MSRB3: variants seen among roughly 807,000 people sequenced by gnomAD.
MSRB3 encodes the protein methionine-R-sulfoxide reductase B3.
In MSRB3, 13 loss-of-function variants were observed where a neutral mutation model predicts 21.0. That is an observed-to-expected ratio of 0.62 (90% CI 0.40 to 0.98). MSRB3 has a LOEUF of 0.98. MSRB3 is among the 50% of genes least tolerant of loss of function. The pLI, the probability that MSRB3 is intolerant of heterozygous loss-of-function variation, is 0.00. For synonymous variants in MSRB3, 87 were observed against 88.6 expected, an observed-to-expected ratio of 0.98 and a Z score of 0.10; for missense variants, 199 against 230.3, an observed-to-expected ratio of 0.86 and a Z score of 0.88.
rs1447385508 is a variant in MSRB3 at position 65,331,727 on chromosome 12, G to A, written c.263+3124G>A. Among the ~76,000 whole-genome samples, 3 of 152,216 alleles carry A rather than the reference G, an allele frequency of 2.0e-5. 1 individual carries two copies. Among genetic ancestry groups the A allele is most frequent in the African/African-American group, 7.2e-5 (3 of 41,458 alleles). On this transcript the variant is annotated intron_variant, in intron 4 of 6. Transcript: ENST00000308259. The stretch of plus-strand genomic sequence containing the variant: ...GCCACTCGTGTAGCTGGAAAGCAGA[G>A]TATGCTACCTAAGCTGGGTGCAGAA...
chr12:65,304,857 C>T (rs1293532010), intron 1 of MSRB3, among the ~76,000 whole-genome samples: 3 of 152,048 alleles, frequency 2.0e-5, no homozygotes, highest in African/African-American at 4.8e-5. Flanking sequence ...TTTGTTTGGT[C>T]CTCAAAAGTA....
At chr12:65,308,718 G>A (rs368502290) in intron 2 of MSRB3, 63 bp downstream of exon 2, 1 of 1,607,340 alleles carries the variant, frequency 6.2e-7, no homozygotes, top group African/African-American at 1.3e-5. Context: ...TCTGCTGCAG[G>A]AAATGATACA....
chr12:65,285,115 A>T (rs1872264099), intron 1 of MSRB3: 2 of 152,166 alleles, frequency 1.3e-5, no homozygotes, highest in South Asian at 4.1e-4. Flanking sequence ...CTTTATGGTT[A>T]CTTTTTGTGG....
At position 65,308,529 on chromosome 12, in the gene MSRB3, C is replaced by T. The variant is rs776483510; in HGVS notation, c.-51C>T. On this transcript the variant is annotated splice_region_variant and 5_prime_UTR_variant, in exon 2 of 7. Coordinates refer to ENST00000308259, the MANE Select transcript of MSRB3 (RefSeq NM_001031679.3). The stretch of plus-strand genomic sequence containing the variant: ...TGTTTTTGTTTTTTCTCCTACTCAG[C>T]TCTTGCCCCTGTTCTTTGCTTCTCG... 1 of 1,613,694 alleles carries T rather than the reference C, an allele frequency of 6.2e-7. No individual in the cohort carries two copies. Among genetic ancestry groups the T allele is most frequent in the Non-Finnish European group, 8.5e-7 (1 of 1,179,758 alleles).
chr12:65,355,262 T>C (rs763574109), intron 4 of MSRB3, among the ~76,000 whole-genome samples: 13 of 151,874 alleles, frequency 8.6e-5, no homozygotes, highest in African/African-American at 1.4e-4. Context: ...TGTATTAGTG[T>C]CAAGTATGCT....
chr12:65,456,413 A>G (rs897704304), intron 6 of MSRB3, among the ~76,000 whole-genome samples: 10 of 152,226 alleles, frequency 6.6e-5, no homozygotes, highest in Non-Finnish European at 1.2e-4. Flanking sequence ...TGCCAGTCAC[A>G]TAGATAACAT....
chr12:65,353,843 T>A (rs1877203685), intron 4 of MSRB3, among the ~76,000 whole-genome samples: 1 of 151,054 alleles, frequency 6.6e-6, no homozygotes, highest in South Asian at 2.1e-4. Flanking sequence ...CAATTTGGCA[T>A]GTTTTTGCAG....
rs761010513 is a variant in MSRB3 at position 65,290,252 on chromosome 12, A to G, written c.-52+11387A>G. Among the ~76,000 whole-genome samples, 237 of 152,336 alleles carry G rather than the reference A, an allele frequency of 1.6e-3. 2 individuals carry two copies. The highest frequency in any genetic ancestry group is 3.0e-3 in the Non-Finnish European group (203 of 68,028). On this transcript the variant is annotated intron_variant, in intron 1 of 6. Transcript: ENST00000308259. Reference sequence around the variant, plus strand: ...TTTATCAAGGAAGTACAATATCATCATGATAAATCATATATTAAGATTAAG... The same window carrying G: ...TTTATCAAGGAAGTACAATATCATCGTGATAAATCATATATTAAGATTAAG...
At chr12:65,290,399 A>G (rs1425459158) in intron 1 of MSRB3, among the ~76,000 whole-genome samples, 2 of 152,178 alleles carry the variant, frequency 1.3e-5, no homozygotes, top group Non-Finnish European at 2.9e-5. Flanking sequence ...TCTTTTAATT[A>G]TGCCTTTTCC....
intron 1 of MSRB3, among the ~76,000 whole-genome samples, chr12:65,288,157 G>A (rs1349459851): frequency 6.6e-6 from 1 of 151,762 alleles, no homozygotes; most frequent in Non-Finnish European, 1.5e-5. Flanking sequence ...ACCAAAATTA[G>A]CTGGGCGTGG....
At position 65,369,021 on chromosome 12, in the gene MSRB3, G is replaced by A. The variant is rs1878175608; in HGVS notation, c.287G>A (p.Gly96Asp). The part of the protein sequence containing the change: ...LFKSETKFDS[G>D]SGWPSFHDVI... The stretch of plus-strand genomic sequence containing the variant: ...AGGTCAGAAACCAAATTTGACTCCG[G>A]TTCAGGTATGTTTACATTAATAATG... Residue 96 changes from glycine to aspartate, a missense_variant, in exon 5 of 7, where the codon GGT (glycine) becomes GAT (aspartate). Physicochemically the swap from Gly to Asp is moderately conservative, Grantham distance 94. Transcript: ENST00000308259. 1.3e-6 allele frequency: 2 copies of A among 1,576,378 alleles called. 1 individual carries two copies. The highest frequency in any genetic ancestry group is 2.2e-5 in the South Asian group (2 of 90,052).
intron 5 of MSRB3, among the ~76,000 whole-genome samples, chr12:65,378,763 T>A (rs1314604504): frequency 1.3e-5 from 2 of 152,322 alleles, no homozygotes; most frequent in Non-Finnish European, 2.9e-5. Flanking sequence ...GACTGATGGA[T>A]GAAGCCAGAA....
intron 4 of MSRB3, among the ~76,000 whole-genome samples, chr12:65,343,715 A>T (rs1876297929): frequency 6.6e-6 from 1 of 152,022 alleles, no homozygotes; most frequent in African/African-American, 2.4e-5. Context: ...TGGAGCTAGG[A>T]CATAGATTCA....
intron 5 of MSRB3, among the ~76,000 whole-genome samples, chr12:65,407,077 T>G (rs1880453732): frequency 6.6e-6 from 1 of 152,102 alleles, no homozygotes. Context: ...ACTATACTAA[T>G]CAAAACATCA....
intron 5 of MSRB3, among the ~76,000 whole-genome samples, chr12:65,384,195 T>A (rs190592566): frequency 6.5e-4 from 99 of 152,354 alleles, no homozygotes; most frequent in Non-Finnish European, 1.2e-3. Flanking sequence ...AAAAGATTGA[T>A]AGGAACTGCC....
chr12:65,309,778 C>CA (rs1384686830), intron 2 of MSRB3, among the ~76,000 whole-genome samples: 2 of 151,950 alleles, frequency 1.3e-5, no homozygotes, highest in African/African-American at 4.8e-5. Flanking sequence ...CCGTTTTTAA[C>CA]AAAAGGAGTA....
Position 65,403,341 on chromosome 12 carries a change from T to A in MSRB3, c.292+34315T>A, listed in dbSNP as rs527747428. ...GCTAGACAGGTAGTCTTGGCTACAG[T>A]GGCTTTGCCAAGTTGCGGTGGGCTC... On this transcript the variant is annotated intron_variant, in intron 5 of 6. Transcript: ENST00000308259. Among the ~76,000 whole-genome samples the A allele has an allele frequency of 6.6e-5, 10 of 152,338 alleles. No homozygotes were observed. In the South Asian group the frequency reaches 8.3e-4, roughly 13 times the overall value.
At chr12:65,337,277 A>AAAC (rs1277327053) in intron 4 of MSRB3, among the ~76,000 whole-genome samples, 11 of 151,354 alleles carry the variant, frequency 7.3e-5, no homozygotes, top group African/African-American at 2.7e-4. Context: ...ACAAAAAAAA[A>AAAC]CCAAAAATCA....
At chr12:65,414,909 G>C (rs1880895251) in intron 5 of MSRB3, among the ~76,000 whole-genome samples, 1 of 152,242 alleles carries the variant, frequency 6.6e-6, no homozygotes, top group Admixed American at 6.5e-5. Flanking sequence ...TATTAATTTA[G>C]AGGTGCTTAT....
Sources: gnomAD v4.1 joint callset for allele counts (sites outside exome capture counted in the v4.1 genomes callset) on GRCh38, gnomAD v4.1.1 for gene constraint, MANE v1.5 for transcripts, NCBI Gene and HGNC (gene_info 2026-07-23, HGNC 2026-07-21) for gene names.